ANK3: variants seen among roughly 807,000 people sequenced by gnomAD.
ANK3 encodes ankyrin-3.
In ANK3, 57 loss-of-function variants were observed where a neutral mutation model predicts 370.9. That is an observed-to-expected ratio of 0.15 (90% CI 0.12 to 0.19). The LOEUF (loss-of-function observed/expected upper bound fraction) is 0.19, where lower values mean the gene tolerates loss of function less well. Among genes scored for constraint, ANK3 ranks in the 10% least tolerant of loss-of-function variants. ANK3 has a pLI of 1.00. For missense variants in ANK3, 4,439 were observed against 5,302.1 expected, an observed-to-expected ratio of 0.84 and a Z score of 5.06; for synonymous variants, 1,929 against 1,946.3, an observed-to-expected ratio of 0.99 and a Z score of 0.23.
intron 2 of ANK3, among the ~76,000 whole-genome samples, chr10:60,523,605 T>C (rs1595201860): frequency 6.6e-6 from 1 of 151,974 alleles, no homozygotes; most frequent in Non-Finnish European, 1.5e-5. Context: ...TATTCCATGG[T>C]GTATATGTGC....
intron 2 of ANK3, among the ~76,000 whole-genome samples, chr10:60,488,632 T>A (rs2133115329): frequency 6.6e-6 from 1 of 152,330 alleles, no homozygotes; most frequent in East Asian, 1.9e-4. Flanking sequence ...ATTTGCCTAT[T>A]CTGGGCATAT....
chr10:60,480,337 G>A lies in ANK3; in HGVS notation c.96+134849C>T, dbSNP rs975040290. Among the ~76,000 whole-genome samples, 6 of 151,966 alleles carry A rather than the reference G, an allele frequency of 3.9e-5. 1 individual carries two copies. The highest frequency in any genetic ancestry group is 3.9e-4 in the East Asian group (2 of 5,188). ...GCCATGGGCACAGACGAATGCTTAC[G>A]GAAAAAATATCTTGAAGGGGAAGAG... On this transcript the variant is annotated intron_variant, in intron 2 of 43. Transcript: ENST00000373827.
At chr10:60,705,824 CTTTT>C (rs11294932) in intron 1 of ANK3, among the ~76,000 whole-genome samples, 5 of 94,528 alleles carry the variant, frequency 5.3e-5, no homozygotes, top group African/African-American at 8.5e-5. Context: ...TTTTTTCTTT[CTTTT>C]TTTTTTTTTT....
Position 60,198,336 on chromosome 10 carries a change from A to G in ANK3, c.1689+4T>C. 13 of 1,614,160 alleles carry G rather than the reference A, an allele frequency of 8.1e-6. No homozygotes were observed. Among genetic ancestry groups the G allele is most frequent in the Non-Finnish European group, 1.1e-5 (13 of 1,180,012 alleles). ...GAGCAGGATTCTGAGATTTGCTTTC[A>G]TACCTTTGTTGTTATAGATAAAGAC... On this transcript the variant is annotated splice_donor_region_variant and intron_variant, in intron 14 of 43. Transcript: ENST00000280772.
chr10:60,312,508 C>G (rs2046560055), intron 1 of ANK3, among the ~76,000 whole-genome samples: 1 of 152,166 alleles, frequency 6.6e-6, no homozygotes, highest in African/African-American at 2.4e-5. Flanking sequence ...AGTCCTCTTA[C>G]CTATGGACAT....
intron 1 of ANK3, among the ~76,000 whole-genome samples, chr10:60,320,748 C>T (rs74432187): frequency 0.011 from 1,688 of 152,044 alleles, 37 homozygotes; most frequent in African/African-American, 0.038. Flanking sequence ...TGGGATAGTT[C>T]GAGTTGAGAG....
At chr10:60,430,638 T>C (rs1220847290) in intron 2 of ANK3, among the ~76,000 whole-genome samples, 1 of 152,186 alleles carries the variant, frequency 6.6e-6, no homozygotes, top group Non-Finnish European at 1.5e-5. Context: ...GTTACACGTA[T>C]TACTGCTGTT....
intron 13 of ANK3, 72 bp downstream of exon 13, chr10:60,200,057 T>C: frequency 8.5e-7 from 1 of 1,175,590 alleles, no homozygotes; most frequent in South Asian, 1.3e-5. Context: ...ACTGCATGTA[T>C]ATACTTAAAA....
chr10:60,399,326 T>C (rs1416467142), intron 2 of ANK3, among the ~76,000 whole-genome samples: 1 of 152,104 alleles, frequency 6.6e-6, no homozygotes, highest in East Asian at 1.9e-4. Flanking sequence ...ACTCTGAAAG[T>C]GAATACATTG....
intron 1 of ANK3, among the ~76,000 whole-genome samples, chr10:60,350,026 G>T (rs148336568): frequency 6.6e-6 from 1 of 152,104 alleles, no homozygotes; most frequent in African/African-American, 2.4e-5. Flanking sequence ...ATTTCAAGTC[G>T]AGTGATAATC....
At chr10:60,155,898 CCA>C (rs1427224819) in intron 23 of ANK3, among the ~76,000 whole-genome samples, 1 of 152,220 alleles carries the variant, frequency 6.6e-6, no homozygotes, top group African/African-American at 2.4e-5. Context: ...AGGCCTTTGG[CCA>C]CAGACTGAAG....
chr10:60,413,870 G>T (rs780807589), intron 2 of ANK3, among the ~76,000 whole-genome samples: 1 of 152,036 alleles, frequency 6.6e-6, no homozygotes, highest in Non-Finnish European at 1.5e-5. Flanking sequence ...GGTGGTGCTT[G>T]TTTGCAGTCC....
At chr10:60,311,074 A>G (rs936742287) in intron 1 of ANK3, among the ~76,000 whole-genome samples, 25 of 152,194 alleles carry the variant, frequency 1.6e-4, no homozygotes, top group African/African-American at 5.8e-4. Flanking sequence ...TTCTCTCATT[A>G]AAATGCCAGA....
rs555782043 is a variant in ANK3 at position 60,508,361 on chromosome 10, G to A, written c.96+106825C>T. 2.0e-5 allele frequency: 3 copies of A among 152,752 alleles called. No homozygotes were observed. In the South Asian group the frequency reaches 6.2e-4, roughly 32 times the overall value. The allele number at this position is 152,752 out of a possible 1,614,324, so 9.5% of individuals were successfully genotyped here. ...CATTATTTCCGCTTTGCAGGGTAGA[G>A]ATGCTTACTAAACCAAGAGAGCCGC... On this transcript the variant is annotated intron_variant, in intron 2 of 43. Coordinates refer to the ANK3 transcript ENST00000373827.
At chr10:60,379,714 G>C (rs1018137104) in intron 1 of ANK3, among the ~76,000 whole-genome samples, 1 of 151,990 alleles carries the variant, frequency 6.6e-6, no homozygotes, top group Non-Finnish European at 1.5e-5. Flanking sequence ...AGGCTGGAAA[G>C]GTAGGGGAAA....
At chr10:60,084,884 C>T in intron 31 of ANK3, 54 bp from the exon 32 acceptor site, 1 of 1,270,838 alleles carries the variant, frequency 7.9e-7, no homozygotes, top group African/African-American at 1.5e-5. Context: ...AAAGCCAAAT[C>T]TTAAAAAGAC....
intron 8 of ANK3, among the ~76,000 whole-genome samples, chr10:60,231,534 C>T (rs1290066943): frequency 6.6e-6 from 1 of 152,138 alleles, no homozygotes; most frequent in Non-Finnish European, 1.5e-5. Context: ...GGCTACCGGA[C>T]TGGGTAGTTA....
chr10:60,615,440 G>T (rs1038260846), intron 1 of ANK3, among the ~76,000 whole-genome samples: 1 of 150,590 alleles, frequency 6.6e-6, no homozygotes, highest in Non-Finnish European at 1.5e-5. Context: ...ACAAAATAAA[G>T]AAAAGCAGGG....
At chr10:60,209,372 C>G (rs1257783292) in intron 9 of ANK3, among the ~76,000 whole-genome samples, 2 of 152,088 alleles carry the variant, frequency 1.3e-5, no homozygotes, top group Non-Finnish European at 2.9e-5. Context: ...ATGGATGACA[C>G]AAAGAAGGAG....
Sources: gnomAD v4.1 joint callset for allele counts (sites outside exome capture counted in the v4.1 genomes callset) on GRCh38, gnomAD v4.1.1 for gene constraint, MANE v1.5 for transcripts, NCBI Gene and HGNC (gene_info 2026-07-23, HGNC 2026-07-21) for gene names.